The following P2RX5 variants were observed in gnomAD, a reference collection of about 807,000 sequenced individuals.
P2RX5 encodes P2X purinoceptor 5.
Under a neutral mutation model 54.1 loss-of-function variants are expected in P2RX5, and 46 were observed. The observed-to-expected ratio is 0.85, with a 90% CI of 0.67 to 1.09. The LOEUF is 1.09. Ranked by LOEUF, P2RX5 falls within the 50% of genes least tolerant of loss-of-function variation. The pLI, the probability that P2RX5 is intolerant of heterozygous loss-of-function variation, is 0.00. For synonymous variants in P2RX5, 226 were observed against 226.4 expected (o/e 1.00, Z 0.02); for missense variants, 566 against 549.8 (o/e 1.03, Z -0.29).
At chr17:3,688,844 C>T (rs923657476) in intron 7 of P2RX5, 85 bp from the exon 8 acceptor site, 9 of 1,479,214 alleles carry the variant, frequency 6.1e-6, no homozygotes, top group African/African-American at 1.4e-5. Context: ...CGGCACTGGA[C>T]AATAGGAGGA....
chr17:3,714,870 T>A, the P2RX5 span: 1 of 1,609,844 alleles, frequency 6.2e-7, no homozygotes, highest in Non-Finnish European at 8.5e-7. Flanking sequence ...TCGAGCAGAT[T>A]CTCTGATTTC....
chr17:3,711,370 C>CTTTTTTTTTTTTTTTTTTTTT, the P2RX5 span, among the ~76,000 whole-genome samples: 36 of 63,096 alleles, frequency 5.7e-4, 5 homozygotes, highest in East Asian at 7.5e-4. Context: ...AGCACTCATT[C>CTTTTTTTTTTTTTTTTTTTTT]TTTTTTTTTT....
At chr17:3,674,726 T>C (rs1399121632) in intron 11 of P2RX5, among the ~76,000 whole-genome samples, 1 of 152,244 alleles carries the variant, frequency 6.6e-6, no homozygotes, top group Non-Finnish European at 1.5e-5. Flanking sequence ...ACACCTGTGC[T>C]TCTCTTACCT....
chr17:3,698,197 C>T (rs139682780), upstream of P2RX5, among the ~76,000 whole-genome samples: 575 of 152,244 alleles, frequency 3.8e-3, 4 homozygotes, highest in Middle Eastern at 0.014. Flanking sequence ...AAGCAGCCGC[C>T]ACCGAGTGAC....
chr17:3,688,853 G>A, intron 7 of P2RX5, 94 bp from the exon 8 acceptor site: 1 of 1,419,458 alleles, frequency 7.0e-7, no homozygotes, highest in Non-Finnish European at 9.9e-7. Context: ...ACAATAGGAG[G>A]AGGTGCTCAG....
intron 9 of P2RX5, chr17:3,685,723 G>C (rs1191339901): frequency 2.8e-4 from 5 of 18,016 alleles, no homozygotes; most frequent in African/African-American, 3.9e-4. Flanking sequence ...CCCCCTCCCA[G>C]CCTGAGAACA....
At chr17:3,720,645 G>A in the P2RX5 span, 57 of 307,576 alleles carry the variant, frequency 1.9e-4, no homozygotes, top group African/African-American at 1.2e-3. Context: ...GAAGTGGTGC[G>A]ATCTCGGCTC....
At chr17:3,716,911 A>T in the P2RX5 span, 1 of 638,192 alleles carries the variant, frequency 1.6e-6, no homozygotes. Flanking sequence ...CCGTGTATTG[A>T]TCAAAGCTGA....
At chr17:3,701,004 TCTC>T (rs1349942674), upstream of P2RX5, among the ~76,000 whole-genome samples, 1 of 151,998 alleles carries the variant, frequency 6.6e-6, no homozygotes, top group Non-Finnish European at 1.5e-5. Context: ...CCCCCCTCCT[TCTC>T]CTCCCTCACA....
At chr17:3,696,739 C>T (rs1352810638), upstream of P2RX5, among the ~76,000 whole-genome samples, 1 of 152,184 alleles carries the variant, frequency 6.6e-6, no homozygotes, top group Non-Finnish European at 1.5e-5. Flanking sequence ...CGCGCACGGC[C>T]GGGAAGAGCT....
At chr17:3,682,079 G>A in intron 9 of P2RX5, 101 bp from the exon 10 acceptor site, 1 of 787,456 alleles carries the variant, frequency 1.3e-6, no homozygotes, top group Non-Finnish European at 2.2e-6. Context: ...CCTAAAGGTG[G>A]CATCACTGTC....
chr17:3,697,144 G>A (rs1038356507), upstream of P2RX5, among the ~76,000 whole-genome samples: 1 of 151,660 alleles, frequency 6.6e-6, no homozygotes, highest in Non-Finnish European at 1.5e-5. Context: ...TGGTGCGGGG[G>A]TGGGGGGCAG....
the P2RX5 span, among the ~76,000 whole-genome samples, chr17:3,706,772 C>T: frequency 2.6e-5 from 4 of 152,174 alleles, no homozygotes; most frequent in South Asian, 2.1e-4. Context: ...CCACCACGCC[C>T]GGCTAATTTT....
At chr17:3,723,806 T>TCCCGGC in the P2RX5 span, 1,216 of 1,587,534 alleles carry the variant, frequency 7.7e-4, 13 homozygotes, top group African/African-American at 0.015. Context: ...TTCCGTCCCG[T>TCCCGGC]CCCGGCCCCG....
intron 7 of P2RX5, among the ~76,000 whole-genome samples, 183 bp from the exon 8 acceptor site, chr17:3,688,942 C>G (rs1226704634): frequency 6.6e-6 from 1 of 152,234 alleles, no homozygotes; most frequent in African/African-American, 2.4e-5. Flanking sequence ...TGCGTCGTCC[C>G]TGCCTCAGGG....
chr17:3,710,802 C>T, the P2RX5 span, among the ~76,000 whole-genome samples: 3 of 152,108 alleles, frequency 2.0e-5, no homozygotes, highest in South Asian at 6.2e-4. Flanking sequence ...GCGGCATGCA[C>T]CTGCAGTCCC....
intron 5 of P2RX5, 129 bp downstream of exon 5, chr17:3,690,298 C>T (rs2143000720): frequency 8.9e-7 from 1 of 1,128,154 alleles, no homozygotes; most frequent in Non-Finnish European, 1.3e-6. Context: ...GGCCGTCGGG[C>T]CTCGCTGGGA....
intron 11 of P2RX5, 92 bp from the exon 12 acceptor site, chr17:3,673,969 A>G: frequency 8.6e-7 from 1 of 1,167,328 alleles, no homozygotes; most frequent in South Asian, 1.3e-5. Context: ...GGGCCTTCCC[A>G]AGTCTGAAAA....
the P2RX5 span, among the ~76,000 whole-genome samples, chr17:3,713,031 TC>T: frequency 1.1e-5 from 1 of 86,966 alleles, no homozygotes; most frequent in East Asian, 2.2e-4. Flanking sequence ...CTCTAAACAG[TC>T]GGGGGAAAAA....
Sources: gnomAD v4.1 joint callset for allele counts (sites outside exome capture counted in the v4.1 genomes callset) on GRCh38, gnomAD v4.1.1 for gene constraint, MANE v1.5 for transcripts, NCBI Gene and HGNC (gene_info 2026-07-23, HGNC 2026-07-21) for gene names.